PHF20: variants seen among roughly 807,000 people sequenced by gnomAD.
PHF20 encodes the protein PHD finger protein 20.
In PHF20, 23 loss-of-function variants were observed where a neutral mutation model predicts 113.5. That is an observed-to-expected ratio of 0.20 (90% CI 0.15 to 0.29). The LOEUF (loss-of-function observed/expected upper bound fraction) is 0.29, where lower values mean the gene tolerates loss of function less well. Among genes scored for constraint, PHF20 ranks in the 10% least tolerant of loss-of-function variants. The pLI is 1.00. For missense variants in PHF20, 943 were observed against 1,219.6 expected (o/e 0.77, Z 3.38); for synonymous variants, 434 against 457.3 (o/e 0.95, Z 0.65).
intron 7 of PHF20, among the ~76,000 whole-genome samples, chr20:35,870,269 A>C (rs1409433978): frequency 4.4e-5 from 6 of 137,046 alleles, no homozygotes; most frequent in African/African-American, 1.7e-4. Flanking sequence ...GCGCCACTGC[A>C]CTCCAGCCTG....
chr20:35,870,819 C>A lies in PHF20; in HGVS notation c.923-136C>A, dbSNP rs1376047162. ...AACTGTAAACTAGTAAAGGGTATTT[C>A]CTTTTATCACTACTCTAACATTCCA... is the stretch of plus-strand genomic sequence containing the variant. On this transcript the variant is annotated intron_variant, in intron 7 of 17. Transcript: ENST00000374012. 7.0e-6 allele frequency: 4 copies of A among 571,908 alleles called. No individual in the cohort carries two copies. In the African/African-American group the frequency reaches 7.8e-5, roughly 11 times the overall value. The allele number at this position is 571,908 out of a possible 1,614,324, so 35.4% of individuals were successfully genotyped here. A position where few individuals can be genotyped will look rare whatever the true frequency, so the allele number is the denominator to read the frequency against.
At chr20:35,783,930 A>G (rs2146833792) in intron 1 of PHF20, among the ~76,000 whole-genome samples, 1 of 148,298 alleles carries the variant, frequency 6.7e-6, no homozygotes, top group East Asian at 2.2e-4. Context: ...GGTTGTGGTG[A>G]GCCGAGATCG....
intron 1 of PHF20, among the ~76,000 whole-genome samples, chr20:35,786,049 A>G (rs888434488): frequency 2.5e-4 from 37 of 150,656 alleles, no homozygotes; most frequent in African/African-American, 8.5e-4. Context: ...AAAAAAACAA[A>G]AAAAAAAACA....
chr20:35,835,180 C>G (rs994309795), intron 2 of PHF20, among the ~76,000 whole-genome samples: 7 of 151,954 alleles, frequency 4.6e-5, no homozygotes, highest in Non-Finnish European at 7.4e-5. Flanking sequence ...GAGGCTGAGG[C>G]AGGAGAATCG....
At position 35,863,006 on chromosome 20, in the gene PHF20, A is replaced by T; in HGVS notation, c.421-7A>T. ...GAAGTGTTTCATCGCTATTTTGCTC[A>T]TTTTAGAATATTGTGGGTAATGCTA... On this transcript the variant is annotated splice_polypyrimidine_tract_variant and splice_region_variant and intron_variant, in intron 5 of 17. Transcript: ENST00000374012. The T allele has an allele frequency of 2.6e-6, 4 of 1,548,170 alleles. No individual in the cohort carries two copies. The South Asian group carries it at 4.9e-5, about 19-fold the overall frequency.
chr20:35,858,179 T>C, intron 4 of PHF20, 123 bp from the exon 5 acceptor site: 1 of 492,250 alleles, frequency 2.0e-6, no homozygotes, highest in Non-Finnish European at 3.6e-6. Flanking sequence ...ATATGATTCT[T>C]AAACAGTTTT....
intron 6 of PHF20, among the ~76,000 whole-genome samples, chr20:35,867,606 C>G (rs150582599): frequency 1.2e-3 from 190 of 152,256 alleles, no homozygotes; most frequent in African/African-American, 4.4e-3. Flanking sequence ...TTTCCAAGTT[C>G]TGCCAGTTGG....
At chr20:35,814,263 G>C (rs1249267427) in intron 2 of PHF20, among the ~76,000 whole-genome samples, 2 of 151,668 alleles carry the variant, frequency 1.3e-5, no homozygotes, top group Non-Finnish European at 2.9e-5. Context: ...TGTCTCCCAG[G>C]CTGGAGTGCA....
rs2041924771 is a variant in PHF20 at position 35,808,649 on chromosome 20, T to C, written c.83+7044T>C. On this transcript the variant is annotated intron_variant, in intron 2 of 17. Coordinates refer to ENST00000374012, the MANE Select transcript of PHF20 (RefSeq NM_016436.5). ...AGTGCAGTGGTGCATCTTGGCTCAC[T>C]GCAAGCTCTGACTCCTGGGTTCGTG... Among the ~76,000 whole-genome samples the C allele has an allele frequency of 3.3e-5, 5 of 152,176 alleles. No individual in the cohort carries two copies. The South Asian group carries it at 1.0e-3, about 32-fold the overall frequency.
intron 1 of PHF20, among the ~76,000 whole-genome samples, chr20:35,778,742 A>G (rs2041224289): frequency 6.7e-6 from 1 of 150,294 alleles, no homozygotes; most frequent in Non-Finnish European, 1.5e-5. Flanking sequence ...AACAAGAGTG[A>G]AACTGTGTCT....
At chr20:35,896,031 T>G (rs1217159769) in intron 9 of PHF20, among the ~76,000 whole-genome samples, 3 of 152,112 alleles carry the variant, frequency 2.0e-5, no homozygotes, top group Non-Finnish European at 2.9e-5. Context: ...TGGCATCTTT[T>G]ATATCTCTTG....
chr20:35,886,888 A>T (rs1221860561), intron 9 of PHF20, among the ~76,000 whole-genome samples: 1 of 152,206 alleles, frequency 6.6e-6, no homozygotes, highest in East Asian at 1.9e-4. Flanking sequence ...AGCATGAAGC[A>T]GTTGCTGGAG....
At chr20:35,798,723 G>A (rs553913676) in intron 1 of PHF20, among the ~76,000 whole-genome samples, 248 of 152,042 alleles carry the variant, frequency 1.6e-3, no homozygotes, top group African/African-American at 5.8e-3. Flanking sequence ...CAAAGTTCTG[G>A]GATTATAGGC....
intron 2 of PHF20, among the ~76,000 whole-genome samples, chr20:35,832,025 C>T (rs2042365032): frequency 6.6e-6 from 1 of 152,144 alleles, no homozygotes; most frequent in Non-Finnish European, 1.5e-5. Context: ...TCCTCCTGGC[C>T]CCTCAAACGG....
At chr20:35,789,752 C>T (rs926870694) in intron 1 of PHF20, among the ~76,000 whole-genome samples, 4 of 150,018 alleles carry the variant, frequency 2.7e-5, no homozygotes, top group African/African-American at 7.4e-5. Context: ...TTCACCATGT[C>T]GGCTAGGCTG....
intron 1 of PHF20, among the ~76,000 whole-genome samples, chr20:35,779,525 C>CTTTTT (rs11167277): frequency 7.2e-6 from 1 of 138,100 alleles, no homozygotes. Flanking sequence ...TCCTTTCTTT[C>CTTTTT]TTTTTTTTTT....
At chr20:35,802,834 G>C (rs1456140607) in intron 2 of PHF20, among the ~76,000 whole-genome samples, 4 of 151,450 alleles carry the variant, frequency 2.6e-5, no homozygotes, top group Non-Finnish European at 5.9e-5. Flanking sequence ...AGCTTCTCGG[G>C]AGGCTGAGCC....
rs566059663 is a variant in PHF20, at chr20:35,837,268, T to G, written c.84-5305T>G. 3.9e-5 allele frequency among the ~76,000 whole-genome samples: 6 copies of G among 152,322 alleles called. No individual in the cohort carries two copies. The East Asian group carries it at 1.2e-3, about 29-fold the overall frequency. On this transcript the variant is annotated intron_variant, in intron 2 of 17. Transcript: ENST00000374012. ...TATACAAGTAATATTTAACTAAATT[T>G]TTAAAAAAATTCACACTAAAGCAAA...
chr20:35,891,862 T>C (rs1196311823), intron 9 of PHF20, among the ~76,000 whole-genome samples: 1 of 151,846 alleles, frequency 6.6e-6, no homozygotes, highest in Admixed American at 6.6e-5. Context: ...TTTTTATATA[T>C]TATTTATTTA....
Sources: gnomAD v4.1 joint callset for allele counts (sites outside exome capture counted in the v4.1 genomes callset) on GRCh38, gnomAD v4.1.1 for gene constraint, MANE v1.5 for transcripts, NCBI Gene and HGNC (gene_info 2026-07-23, HGNC 2026-07-21) for gene names.